The following CEMIP variants were observed in gnomAD, a reference collection of about 807,000 sequenced individuals.
CEMIP encodes cell migration-inducing and hyaluronan-binding protein.
In CEMIP, 105 loss-of-function variants were observed where a neutral mutation model predicts 156.9. The observed-to-expected ratio is 0.67, with a 90% CI of 0.57 to 0.79. The LOEUF is 0.79. Ranked by LOEUF, CEMIP falls within the 30% of genes least tolerant of loss-of-function variation. The probability of loss-of-function intolerance (pLI) is 0.00; values close to 1 mark genes in which losing one functional copy is unlikely to be tolerated. For synonymous variants in CEMIP, 676 were observed against 668.4 expected (o/e 1.01, Z -0.17); for missense variants, 1,457 against 1,769.4 (o/e 0.82, Z 3.17).
chr15:80,831,736 G>A lies in CEMIP; in HGVS notation c.-175-41802G>A, dbSNP rs184902672. Among the ~76,000 whole-genome samples, 6 of 152,330 alleles carry A rather than the reference G, an allele frequency of 3.9e-5. No homozygotes were observed. In the East Asian group the frequency reaches 9.7e-4, roughly 25 times the overall value. On this transcript the variant is annotated intron_variant, in intron 1 of 29. Coordinates refer to ENST00000394685, the MANE Select transcript of CEMIP (RefSeq NM_001293298.2). ...CCTGCAGCTCTGTGTGTCCAGAGGG[G>A]TTCATGCTGGGCAACTGTGGTGGTG...
intron 1 of CEMIP, among the ~76,000 whole-genome samples, chr15:80,840,326 G>A (rs1266172993): frequency 3.3e-5 from 5 of 152,134 alleles, no homozygotes; most frequent in African/African-American, 9.7e-5. Flanking sequence ...GTCATTCATG[G>A]GGACTCCACA....
intron 18 of CEMIP, among the ~76,000 whole-genome samples, chr15:80,925,092 A>C (rs1242174295): frequency 6.6e-6 from 1 of 152,190 alleles, no homozygotes; most frequent in Non-Finnish European, 1.5e-5. Context: ...AAATAAGCCT[A>C]CTGTTCAGCT....
At position 80,896,006 on chromosome 15, in the gene CEMIP, G is replaced by A. The variant is rs139948991; in HGVS notation, c.1357G>A (p.Glu453Lys). ...TGATTACTCCATGTACCAGGCAGAAGAGTTCCAGGTGCTTCCCTGCAGATC... is the reference window on the plus strand; with the variant it reads ...TGATTACTCCATGTACCAGGCAGAAAAGTTCCAGGTGCTTCCCTGCAGATC... ...STDYSMYQAE[E>K]FQVLPCRSCA... Residue 453 changes from glutamate (E) to lysine (K), a missense_variant, in exon 12 of 30, where the codon GAG (glutamate) becomes AAG (lysine). Physicochemically the swap from Glu to Lys is moderately conservative, Grantham distance 56. Around this residue, in one of 5 missense-constraint regions of CEMIP, gnomAD observed 280 missense variants for 300.3 expected, o/e 0.93. Coordinates refer to ENST00000394685, the MANE Select transcript of CEMIP (RefSeq NM_001293298.2). 5.5e-5 allele frequency: 88 copies of A among 1,614,204 alleles called. No individual in the cohort carries two copies. In the African/African-American group the frequency reaches 1.1e-3, roughly 21 times the overall value.
At chr15:80,785,780 CA>C (rs1363092974) in intron 1 of CEMIP, among the ~76,000 whole-genome samples, 2 of 152,168 alleles carry the variant, frequency 1.3e-5, no homozygotes, top group African/African-American at 4.8e-5. Context: ...TGCAACCTTT[CA>C]GATGCATGAA....
At chr15:80,849,569 A>G (rs73501056) in intron 1 of CEMIP, among the ~76,000 whole-genome samples, 5,430 of 151,782 alleles carry the variant, frequency 0.036, 323 homozygotes, top group African/African-American at 0.12. Flanking sequence ...GGGCCAGTTC[A>G]CTCCTTAGGC....
In CEMIP at chr15:80,937,892, C is replaced by A. The variant is rs147333760; in HGVS notation, c.3320C>A (p.Thr1107Lys). ...CGCCTGCTGAAGCAAACGTCCAAGA[C>A]GGGCGTCTTCGTGAGGACCTTGCAG... Reference protein sequence around the residue: ...HNRLLKQTSKTGVFVRTLQMD... With the variant: ...HNRLLKQTSKKGVFVRTLQMD... The change falls in exon 25 of 30, where the codon ACG becomes AAG. Residue 1107 changes from threonine to lysine, a missense_variant. Thr to Lys is a moderately conservative substitution (Grantham distance 78). Coordinates refer to ENST00000394685, the MANE Select transcript of CEMIP (RefSeq NM_001293298.2). The A allele has an allele frequency of 6.2e-7, 1 of 1,614,204 alleles. No individual in the cohort carries two copies. Among genetic ancestry groups the A allele is most frequent in the Non-Finnish European group, 8.5e-7 (1 of 1,180,022 alleles).
At chr15:80,784,906 A>C (rs1249758108) in intron 1 of CEMIP, among the ~76,000 whole-genome samples, 2 of 152,124 alleles carry the variant, frequency 1.3e-5, no homozygotes, top group Non-Finnish European at 2.9e-5. Flanking sequence ...TTCTTGGTGT[A>C]ATTTAAGTCA....
At chr15:80,924,456 C>T (rs780185903) in intron 17 of CEMIP, among the ~76,000 whole-genome samples, 165 bp from the exon 18 acceptor site, 8 of 152,196 alleles carry the variant, frequency 5.3e-5, no homozygotes. Flanking sequence ...AATAAGGCAG[C>T]ATCTTCACCT....
intron 8 of CEMIP, among the ~76,000 whole-genome samples, chr15:80,888,188 C>A (rs1898914591): frequency 6.6e-6 from 1 of 151,914 alleles, no homozygotes; most frequent in African/African-American, 2.4e-5. Context: ...TATGGTAAAA[C>A]CGTGTCTCTA....
chr15:80,919,200 C>T (rs1900381849), intron 14 of CEMIP, among the ~76,000 whole-genome samples: 1 of 152,132 alleles, frequency 6.6e-6, no homozygotes, highest in African/African-American at 2.4e-5. Context: ...GACAAGCTGG[C>T]TTGGATTTCT....
rs1476465334 is a variant in CEMIP at position 80,937,912 on chromosome 15, T to C, written c.3340T>C (p.Leu1114=). The C allele has an allele frequency of 9.9e-6, 16 of 1,614,206 alleles. No individual in the cohort carries two copies. The highest frequency in any genetic ancestry group is 1.2e-5 in the Non-Finnish European group (14 of 1,180,020). Residue 1114 remains leucine, a synonymous_variant, in exon 25 of 30, where the codon TTG becomes CTG. Coordinates refer to ENST00000394685, the MANE Select transcript of CEMIP (RefSeq NM_001293298.2). ...CAAGACGGGCGTCTTCGTGAGGACC[T>C]TGCAGATGGACAAAGTGGAGCAGAG... ...TSKTGVFVRT[L]QMDKVEQSYP... is the part of the protein sequence containing the mutation.
rs976656495 is a variant in CEMIP at position 80,881,088 on chromosome 15, T to C, written c.569T>C (p.Ile190Thr). 3 of 1,614,236 alleles carry C rather than the reference T, an allele frequency of 1.9e-6. No individual in the cohort carries two copies. The highest frequency in any genetic ancestry group is 2.2e-5 in the East Asian group (1 of 44,886). The change falls in exon 6 of 30, where the codon ATT becomes ACT. Residue 190 changes from isoleucine to threonine, a missense_variant. Physicochemically the swap from Ile to Thr is moderately conservative, Grantham distance 89. Transcript: ENST00000394685. ...FERSWGHRGV[I>T]VHVIDPKSGT... is the part of the protein sequence containing the mutation. ...AGGAGCTGGGGCCACCGTGGAGTTA[T>C]TGTTCATGTCATCGACCCCAAATCA...
chr15:80,926,823 G>GT lies in CEMIP; in HGVS notation c.2420+1068_2420+1069insT, dbSNP rs895443821. Among the ~76,000 whole-genome samples the GT allele has an allele frequency of 9.3e-5, 12 of 129,634 alleles. No homozygotes were observed. The East Asian group carries it at 3.0e-3, about 32-fold the overall frequency. The allele number at this position is 129,634 out of a possible 152,430, so 85.0% of individuals were successfully genotyped here. On this transcript the variant is annotated intron_variant, in intron 19 of 29. Transcript: ENST00000394685. ...GAGGCAGAGAGACTGAGCGGGTGGG[G>GT]GGGGGGGGTCTTCTTTTTTTTTTTT...
intron 1 of CEMIP, among the ~76,000 whole-genome samples, chr15:80,859,902 C>T (rs1393044868): frequency 6.6e-6 from 1 of 152,176 alleles, no homozygotes; most frequent in Admixed American, 6.5e-5. Flanking sequence ...CAGGGGTGCA[C>T]ATGCAGATTA....
At chr15:80,837,117 A>C (rs2141694074) in intron 1 of CEMIP, among the ~76,000 whole-genome samples, 1 of 152,342 alleles carries the variant, frequency 6.6e-6, no homozygotes, top group Middle Eastern at 3.4e-3. Flanking sequence ...CCCCCAGCAC[A>C]GGCCCTGAGG....
intron 1 of CEMIP, among the ~76,000 whole-genome samples, chr15:80,788,178 A>AT (rs540122340): frequency 2.6e-5 from 4 of 151,990 alleles, no homozygotes; most frequent in Non-Finnish European, 5.9e-5. Flanking sequence ...ATTAAAATAA[A>AT]TTTTTTTTAA....
intron 25 of CEMIP, chr15:80,938,182 C>G: frequency 3.5e-6 from 2 of 570,434 alleles, no homozygotes; most frequent in Non-Finnish European, 6.3e-6. Flanking sequence ...AAATAAACAC[C>G]CTATTAAATA....
intron 1 of CEMIP, among the ~76,000 whole-genome samples, chr15:80,864,932 A>G (rs1292829894): frequency 3.3e-5 from 5 of 152,122 alleles, no homozygotes; most frequent in Non-Finnish European, 1.5e-5. Flanking sequence ...CTGTGTTTCT[A>G]ACAGGTAGTG....
intron 1 of CEMIP, among the ~76,000 whole-genome samples, chr15:80,837,863 C>T (rs1275291093): frequency 6.6e-6 from 1 of 152,202 alleles, no homozygotes; most frequent in Admixed American, 6.5e-5. Context: ...CACCTTGCAT[C>T]CCAAATACCA....
Sources: allele counts gnomAD v4.1 joint callset (sites outside exome capture counted in the v4.1 genomes callset), GRCh38; gene constraint gnomAD v4.1.1; regional missense constraint gnomAD v4.1.1; transcripts MANE v1.5; gene names NCBI Gene and HGNC (gene_info 2026-07-23, HGNC 2026-07-21).